The following PTPRD variants were observed in gnomAD, a reference collection of about 807,000 sequenced individuals.
PTPRD encodes the protein protein tyrosine phosphatase receptor type D, also known as receptor-type tyrosine-protein phosphatase delta.
Under a neutral mutation model 214.5 loss-of-function variants are expected in PTPRD, and 34 were observed. The observed-to-expected ratio is 0.16, with a 90% CI of 0.12 to 0.21. The LOEUF is 0.21. Ranked by LOEUF, PTPRD falls within the 10% of genes least tolerant of loss-of-function variation. PTPRD has a pLI of 1.00. For missense variants in PTPRD, 2,545 were observed against 2,398.7 expected, an observed-to-expected ratio of 1.06 and a Z score of -1.27; for synonymous variants, 1,128 against 845.7, an observed-to-expected ratio of 1.33 and a Z score of -5.79.
At chr9:10,372,105 TAGAA>T (rs1390797759) in intron 2 of PTPRD, among the ~76,000 whole-genome samples, 3 of 151,918 alleles carry the variant, frequency 2.0e-5, no homozygotes, top group Non-Finnish European at 4.4e-5. Flanking sequence ...GTGCTGAAAA[TAGAA>T]AGAAAGAAGG....
chr9:8,863,163 C>A (rs2098136109), intron 11 of PTPRD, among the ~76,000 whole-genome samples: 1 of 152,202 alleles, frequency 6.6e-6, no homozygotes, highest in Non-Finnish European at 1.5e-5. Context: ...TGCACTTCAC[C>A]CTCACCTGCA....
At chr9:10,073,155 C>G (rs1363432354) in intron 3 of PTPRD, among the ~76,000 whole-genome samples, 1 of 151,908 alleles carries the variant, frequency 6.6e-6, no homozygotes, top group Non-Finnish European at 1.5e-5. Context: ...ATAGATGAAG[C>G]CCACAAGGTT....
At chr9:9,406,905 G>C (rs1322896042) in intron 8 of PTPRD, among the ~76,000 whole-genome samples, 1 of 143,988 alleles carries the variant, frequency 6.9e-6, no homozygotes, top group Admixed American at 7.1e-5. Context: ...TCTGATTCTT[G>C]TCTATTATAA....
chr9:9,024,697 A>G (rs1376142980), intron 10 of PTPRD, among the ~76,000 whole-genome samples: 1 of 151,388 alleles, frequency 6.6e-6, no homozygotes, highest in Non-Finnish European at 1.5e-5. Context: ...TTATTTTTTC[A>G]TTTGTGTTTA....
chr9:9,695,476 T>C (rs951110590), intron 7 of PTPRD, among the ~76,000 whole-genome samples: 2 of 152,210 alleles, frequency 1.3e-5, no homozygotes, highest in Non-Finnish European at 2.9e-5. Context: ...GTGACCTTAG[T>C]TCACTGGCTC....
chr9:10,190,416 AAAAAC>A lies in PTPRD; in HGVS notation c.-545+150542_-545+150546del, dbSNP rs1564422191. On this transcript the variant is annotated intron_variant, in intron 3 of 45. Transcript: ENST00000381196. ...AAAAAAAAAAAAAAAAAAAAAAAAA[AAAAAC>A]AAAAAGTCAAAGTGGGCCAGGCGCT... 3.3e-4 allele frequency among the ~76,000 whole-genome samples: 31 copies of A among 92,762 alleles called. 2 individuals are homozygous for A. Among genetic ancestry groups the A allele is most frequent in the African/African-American group, 1.7e-3 (26 of 15,000 alleles). The allele number at this position is 92,762 out of a possible 152,430, so 60.9% of individuals were successfully genotyped here.
intron 11 of PTPRD, among the ~76,000 whole-genome samples, chr9:8,755,592 T>C (rs556035608): frequency 6.7e-6 from 1 of 149,402 alleles, no homozygotes; most frequent in East Asian, 2.0e-4. Context: ...CAAACTAGAG[T>C]GAATAAATAA....
intron 2 of PTPRD, among the ~76,000 whole-genome samples, chr9:10,501,630 T>G (rs1566556637): frequency 2.0e-5 from 3 of 151,962 alleles, no homozygotes; most frequent in African/African-American, 7.2e-5. Flanking sequence ...GAAAACAACT[T>G]GGGGGAATTA....
chr9:9,645,915 G>C (rs974314376), intron 7 of PTPRD, among the ~76,000 whole-genome samples: 4 of 151,988 alleles, frequency 2.6e-5, no homozygotes, highest in African/African-American at 9.7e-5. Flanking sequence ...AATTGTTGTG[G>C]ATACATACTA....
At chr9:8,859,657 G>A (rs570126318) in intron 11 of PTPRD, among the ~76,000 whole-genome samples, 7 of 152,218 alleles carry the variant, frequency 4.6e-5, no homozygotes, top group Admixed American at 1.3e-4. Flanking sequence ...GTCTCAAGCT[G>A]CCCATTTGTT....
intron 12 of PTPRD, among the ~76,000 whole-genome samples, chr9:8,709,769 A>G (rs1029393340): frequency 1.3e-5 from 2 of 152,180 alleles, no homozygotes; most frequent in African/African-American, 4.8e-5. Context: ...CAGTCTACAT[A>G]ACCAAATACA....
At chr9:8,500,225 G>T (rs1592116474) in intron 24 of PTPRD, among the ~76,000 whole-genome samples, 1 of 151,760 alleles carries the variant, frequency 6.6e-6, no homozygotes. Context: ...GTTTTTTAAA[G>T]GTTTCTTTTT....
rs149323836 is a variant in PTPRD, at chr9:9,889,593, T to C, written c.-368+48914A>G. On this transcript the variant is annotated intron_variant, in intron 5 of 45. Coordinates refer to ENST00000381196, the MANE Select transcript of PTPRD (RefSeq NM_002839.4). ...ATTGCATATATGTGTTAGTAATTGATTTACTGCCTCTCAGCCCCAATTCCA... is the reference window on the plus strand; with the variant it reads ...ATTGCATATATGTGTTAGTAATTGACTTACTGCCTCTCAGCCCCAATTCCA... Among the ~76,000 whole-genome samples, 42 of 152,198 alleles carry C rather than the reference T, an allele frequency of 2.8e-4. 1 individual carries two copies. The East Asian group carries it at 7.6e-3, about 27-fold the overall frequency.
intron 9 of PTPRD, among the ~76,000 whole-genome samples, chr9:9,215,635 A>G: frequency 6.6e-6 from 1 of 152,048 alleles, no homozygotes; most frequent in South Asian, 2.1e-4. Context: ...TGGAGTTGGG[A>G]CGAAGGGAGC....
At chr9:8,914,298 C>T (rs1455872694) in intron 11 of PTPRD, among the ~76,000 whole-genome samples, 1 of 151,882 alleles carries the variant, frequency 6.6e-6, no homozygotes, top group African/African-American at 2.4e-5. Flanking sequence ...TCAAATTAAG[C>T]AAAATATTTT....
chr9:9,397,243 T>A (rs2068235962), intron 9 of PTPRD, among the ~76,000 whole-genome samples: 1 of 151,974 alleles, frequency 6.6e-6, no homozygotes, highest in African/African-American at 2.4e-5. Flanking sequence ...AAAATAAACA[T>A]CTCTGTTGAC....
At chr9:8,362,805 TGAGTGACTTGC>T (rs2078842092) in intron 39 of PTPRD, among the ~76,000 whole-genome samples, 1 of 152,226 alleles carries the variant, frequency 6.6e-6, no homozygotes, top group South Asian at 2.1e-4. Flanking sequence ...TTCAGTCAAG[TGAGTGACTTGC>T]ACAAGATCAT....
At chr9:10,125,344 G>C (rs1378626546) in intron 3 of PTPRD, among the ~76,000 whole-genome samples, 1 of 151,004 alleles carries the variant, frequency 6.6e-6, no homozygotes, top group Non-Finnish European at 1.5e-5. Flanking sequence ...TGAACCAAAG[G>C]AAAATAAATC....
chr9:9,617,075 G>C (rs2094917805), intron 7 of PTPRD, among the ~76,000 whole-genome samples: 1 of 152,164 alleles, frequency 6.6e-6, no homozygotes, highest in Non-Finnish European at 1.5e-5. Flanking sequence ...AAGAGCCACT[G>C]TTAATATTGT....
Sources: gnomAD v4.1 joint callset for allele counts (sites outside exome capture counted in the v4.1 genomes callset) on GRCh38, gnomAD v4.1.1 for gene constraint, MANE v1.5 for transcripts, NCBI Gene and HGNC (gene_info 2026-07-23, HGNC 2026-07-21) for gene names.